The following NRP1 variants were observed in gnomAD, a reference collection of about 807,000 sequenced individuals.
The protein encoded by NRP1 is neuropilin-1.
Under a neutral mutation model 106.7 loss-of-function variants are expected in NRP1, and 35 were observed. The observed-to-expected ratio is 0.33, with a 90% CI of 0.25 to 0.43. NRP1 has a LOEUF of 0.43. Ranked by LOEUF, NRP1 falls within the 20% of genes least tolerant of loss-of-function variation. The pLI, the probability that NRP1 is intolerant of heterozygous loss-of-function variation, is 1.00. For synonymous variants in NRP1, 437 were observed against 417.9 expected (o/e 1.05, Z -0.56); for missense variants, 1,024 against 1,170.4 (o/e 0.87, Z 1.83).
rs1554778101 is a variant in NRP1, at chr10:33,202,574, G to GGGC, written c.1864+316_1864+317insGCC. On this transcript the variant is annotated intron_variant, in intron 11 of 16. Transcript: ENST00000374867. ...GGGTGGTGCACGTGTTATTGGGGGG[G>GGGC]GGTCTGAAAATAATGAAAATAAGGA... 2.0e-5 allele frequency: 29 copies of GGGC among 1,425,684 alleles called. No homozygotes were observed. The East Asian group carries it at 3.7e-4, about 18-fold the overall frequency. The allele number at this position is 1,425,684 out of a possible 1,614,324, so 88.3% of individuals were successfully genotyped here. A position where few individuals can be genotyped will look rare whatever the true frequency, so the allele number is the denominator to read the frequency against.
intron 6 of NRP1, among the ~76,000 whole-genome samples, chr10:33,246,101 A>ATCATAT (rs370517523): frequency 6.6e-6 from 1 of 151,624 alleles, no homozygotes; most frequent in Non-Finnish European, 1.5e-5. Context: ...CTTGACCAAA[A>ATCATAT]TGGTCAAAAT....
At chr10:33,203,021 T>C (rs1473201115) in intron 10 of NRP1, 26 bp from the exon 11 acceptor site, 1 of 1,589,648 alleles carries the variant, frequency 6.3e-7, no homozygotes, top group African/African-American at 1.3e-5. Context: ...AGGATTATTA[T>C]CTCACACCTT....
chr10:33,275,213 G>A (rs1588898558), intron 2 of NRP1, among the ~76,000 whole-genome samples: 1 of 152,198 alleles, frequency 6.6e-6, no homozygotes, highest in South Asian at 2.1e-4. Context: ...TTTAACAAAA[G>A]CATTTTTTAG....
chr10:33,214,753 T>C (rs1487872349), intron 8 of NRP1, among the ~76,000 whole-genome samples: 1 of 152,188 alleles, frequency 6.6e-6, no homozygotes, highest in Non-Finnish European at 1.5e-5. Context: ...AGCCTATCAC[T>C]AGATCAGTCA....
At chr10:33,309,124 T>C (rs1291466009) in intron 2 of NRP1, among the ~76,000 whole-genome samples, 1 of 152,346 alleles carries the variant, frequency 6.6e-6, no homozygotes, top group Non-Finnish European at 1.5e-5. Context: ...GGAGCAGAGA[T>C]GGCAGTTTTG....
rs187306032 is a variant in NRP1, at chr10:33,299,564, C to T, written c.249-28708G>A. Among the ~76,000 whole-genome samples, 23 of 152,254 alleles carry T rather than the reference C, an allele frequency of 1.5e-4. No homozygotes were observed. The East Asian group carries it at 1.9e-3, about 13-fold the overall frequency. ...GAGGCTGAGGTGGGAGGATTGCTTGCGGCCAGGAGGTCAAGACCAGCCTGG... is the reference window on the plus strand; with the variant it reads ...GAGGCTGAGGTGGGAGGATTGCTTGTGGCCAGGAGGTCAAGACCAGCCTGG... On this transcript the variant is annotated intron_variant, in intron 2 of 16. Coordinates refer to ENST00000374867, the MANE Select transcript of NRP1 (RefSeq NM_003873.7).
intron 6 of NRP1, chr10:33,249,411 G>A (rs756980835): frequency 1.0e-4 from 53 of 512,992 alleles, no homozygotes; most frequent in Middle Eastern, 6.4e-4. Context: ...GAGCCTGAAT[G>A]GAGTGAAGGC....
At chr10:33,331,863 A>G (rs530613021) in intron 1 of NRP1, among the ~76,000 whole-genome samples, 1 of 152,344 alleles carries the variant, frequency 6.6e-6, no homozygotes, top group African/African-American at 2.4e-5. Flanking sequence ...ATTTTGAGCA[A>G]TAAAAATTCG....
intron 2 of NRP1, among the ~76,000 whole-genome samples, chr10:33,287,794 C>A (rs1431192723): frequency 6.6e-6 from 1 of 152,144 alleles, no homozygotes; most frequent in African/African-American, 2.4e-5. Context: ...ACCTTGCTGC[C>A]TGTGACTAGG....
intron 6 of NRP1, among the ~76,000 whole-genome samples, chr10:33,241,877 AATTG>A (rs1841052424): frequency 6.6e-6 from 1 of 152,208 alleles, no homozygotes; most frequent in Admixed American, 6.5e-5. Context: ...AAAAGAAATG[AATTG>A]ATTCTTAATC....
intron 6 of NRP1, 136 bp from the exon 7 acceptor site, chr10:33,226,425 A>C: frequency 1.3e-6 from 1 of 795,818 alleles, no homozygotes; most frequent in South Asian, 2.0e-5. Flanking sequence ...GGGTGTCCAC[A>C]GTCCCTGACT....
intron 3 of NRP1, 121 bp downstream of exon 3, chr10:33,270,554 T>C: frequency 1.3e-6 from 1 of 753,508 alleles, no homozygotes; most frequent in Non-Finnish European, 2.0e-6. Flanking sequence ...CTTGAATTCC[T>C]GAGCTCAAGT....
In NRP1 at chr10:33,249,084, G is replaced by GTTTTTTTTT. The variant is rs750905931; in HGVS notation, c.981+4935_981+4943dup. Among the ~76,000 whole-genome samples, 232 of 72,212 alleles carry GTTTTTTTTT rather than the reference G, an allele frequency of 3.2e-3. 4 individuals are homozygous for GTTTTTTTTT. In the Middle Eastern group the frequency reaches 0.047, roughly 15 times the overall value. 47.4% of individuals were successfully genotyped at this position (72,212 alleles called of 152,430 possible). A position where few individuals can be genotyped will look rare whatever the true frequency, so the allele number is the denominator to read the frequency against. Reference sequence around the variant, plus strand: ...ATCCCACCCAGGTATTATGTCTCTTGTTTTTTTTTTTTTTTTTTTTTTTTG... The same window carrying GTTTTTTTTT: ...ATCCCACCCAGGTATTATGTCTCTTGTTTTTTTTTTTTTTTTTTTTTTTTTTTTTTTTTG... On this transcript the variant is annotated intron_variant, in intron 6 of 16. Transcript: ENST00000374867.
chr10:33,241,245 G>A (rs1840989218), intron 6 of NRP1, among the ~76,000 whole-genome samples: 2 of 152,112 alleles, frequency 1.3e-5, no homozygotes, highest in South Asian at 2.1e-4. Context: ...TGGGAGAAAG[G>A]GGCAAGGCAT....
intron 8 of NRP1, among the ~76,000 whole-genome samples, chr10:33,217,385 A>C (rs1838866754): frequency 6.6e-6 from 1 of 152,178 alleles, no homozygotes; most frequent in South Asian, 2.1e-4. Context: ...ATTAAAAAAA[A>C]AAAAATGAAG....
chr10:33,251,896 G>T (rs553582006), intron 6 of NRP1, among the ~76,000 whole-genome samples: 8 of 152,066 alleles, frequency 5.3e-5, no homozygotes, highest in African/African-American at 1.7e-4. Flanking sequence ...GGTACAGAAG[G>T]GGGAAGGGAA....
rs76961349 is a variant in NRP1, at chr10:33,327,738, G to C, written c.248+2970C>G. Among the ~76,000 whole-genome samples the C allele has an allele frequency of 9.6e-3, 1,467 of 152,172 alleles. 16 individuals carry two copies. Among genetic ancestry groups the C allele is most frequent in the African/African-American group, 0.033 (1,380 of 41,516 alleles). ...GATTCTTCTCAAAGCCTTCACAAAA[G>C]GAGGTAAGTATTTTGCCACATTTGT... On this transcript the variant is annotated intron_variant, in intron 2 of 16. Transcript: ENST00000374867.
At position 33,263,696 on chromosome 10, in the gene NRP1, C is replaced by A; in HGVS notation, c.608G>T (p.Gly203Val). The A allele has an allele frequency of 6.2e-7, 1 of 1,614,056 alleles. No individual in the cohort carries two copies. Among genetic ancestry groups the A allele is most frequent in the African/African-American group, 1.3e-5 (1 of 75,010 alleles). The change falls in exon 4 of 17, where the codon GGG becomes GTG. Residue 203 changes from glycine (G) to valine (V), a missense_variant. Coordinates refer to ENST00000374867, the MANE Select transcript of NRP1 (RefSeq NM_003873.7). ...TAGCCGGTCGTAGCGACAGAACATC[C>A]CCCCTGGAGGATTTGAGTCAGGCTC... Reference protein sequence around the residue: ...DLEPDSNPPGGMFCRYDRLEI... With the variant: ...DLEPDSNPPGVMFCRYDRLEI...
chr10:33,329,375 GAATGAACCA>G (rs1258511524), intron 2 of NRP1, among the ~76,000 whole-genome samples: 2 of 152,128 alleles, frequency 1.3e-5, no homozygotes, highest in African/African-American at 4.8e-5. Context: ...CTAAAATGTT[GAATGAACCA>G]AATGACCTCA....
Sources: gnomAD v4.1 joint callset for allele counts (sites outside exome capture counted in the v4.1 genomes callset) on GRCh38, gnomAD v4.1.1 for gene constraint, MANE v1.5 for transcripts, NCBI Gene and HGNC (gene_info 2026-07-23, HGNC 2026-07-21) for gene names.